The following CECR2 variants were observed in gnomAD, a reference collection of about 807,000 sequenced individuals.
CECR2 encodes CECR2 histone acetyl-lysine reader, also known as chromatin remodeling regulator CECR2.
Under a neutral mutation model 154.5 loss-of-function variants are expected in CECR2, and 30 were observed. The observed-to-expected ratio is 0.19, with a 90% CI of 0.15 to 0.26. The LOEUF (loss-of-function observed/expected upper bound fraction) is 0.26, where lower values mean the gene tolerates loss of function less well. Among genes scored for constraint, CECR2 ranks in the 10% least tolerant of loss-of-function variants. The probability of loss-of-function intolerance (pLI) is 1.00; values close to 1 mark genes in which losing one functional copy is unlikely to be tolerated. For missense variants in CECR2, 1,743 were observed against 1,829.3 expected, an observed-to-expected ratio of 0.95 and a Z score of 0.86; for synonymous variants, 725 against 683.7, an observed-to-expected ratio of 1.06 and a Z score of -0.94.
Position 17,548,772 on chromosome 22 carries a change from G to A in CECR2, c.3485G>A (p.Gly1162Asp). The A allele has an allele frequency of 1.2e-6, 2 of 1,613,742 alleles. No homozygotes were observed. The highest frequency in any genetic ancestry group is 2.2e-5 in the East Asian group (1 of 44,864). The change falls in exon 17 of 19, where the codon GGC (glycine) becomes GAC (aspartate). Residue 1162 changes from glycine to aspartate, a missense_variant. Gly to Asp is a moderately conservative substitution (Grantham distance 94). Transcript: ENST00000262608. ...ASHPQHFPPR[G>D]FQSNHPHSGG... ...CATCCCCAGCATTTTCCCCCAAGGG[G>A]CTTTCAGTCTAACCACCCACATTCT...
chr22:17,421,078 C>G (rs530233337), intron 1 of CECR2, among the ~76,000 whole-genome samples: 1 of 152,276 alleles, frequency 6.6e-6, no homozygotes, highest in South Asian at 2.1e-4. Flanking sequence ...TGAACACACC[C>G]ATTAGCTAAG....
intron 1 of CECR2, among the ~76,000 whole-genome samples, 194 bp downstream of exon 1, chr22:17,370,103 C>T (rs1441956176): frequency 6.7e-6 from 1 of 150,248 alleles, no homozygotes; most frequent in African/African-American, 2.4e-5. Context: ...TGCCGAGGGG[C>T]GTCGGGCCGG....
intron 1 of CECR2, chr22:17,360,053 A>G (rs1450009862): frequency 6.6e-6 from 1 of 152,254 alleles, no homozygotes; most frequent in Non-Finnish European, 1.5e-5. Context: ...ATGAAAATAG[A>G]AACCAAAAGC....
intron 9 of CECR2, among the ~76,000 whole-genome samples, chr22:17,536,611 A>T (rs1036762711): frequency 1.3e-5 from 2 of 152,204 alleles, no homozygotes; most frequent in African/African-American, 4.8e-5. Context: ...ATGCCTTCAT[A>T]AACGCAGAAC....
chr22:17,454,046 G>A (rs1291625069), intron 1 of CECR2, among the ~76,000 whole-genome samples: 1 of 152,210 alleles, frequency 6.6e-6, no homozygotes, highest in Non-Finnish European at 1.5e-5. Flanking sequence ...ACACTCAGAA[G>A]TGCACCTCTG....
rs947562233 is a variant in CECR2, at chr22:17,409,944, T to C, written c.126+40035T>C. ...TGTCTAGTAAAGGGCTTCACACATA[T>C]TCAATCAAGTGTTTGCTGTCTATTT... On this transcript the variant is annotated intron_variant, in intron 1 of 18. Coordinates refer to ENST00000262608, the MANE Select transcript of CECR2 (RefSeq NM_001290047.2). Among the ~76,000 whole-genome samples the C allele has an allele frequency of 1.3e-4, 14 of 108,934 alleles. 3 individuals carry two copies. Among genetic ancestry groups the C allele is most frequent in the African/African-American group, 2.5e-4 (8 of 31,514 alleles). The allele number at this position is 108,934 out of a possible 152,430, so 71.5% of individuals were successfully genotyped here.
intron 7 of CECR2, among the ~76,000 whole-genome samples, chr22:17,510,463 C>T (rs2055923638): frequency 1.4e-5 from 2 of 140,858 alleles, no homozygotes; most frequent in African/African-American, 5.2e-5. Flanking sequence ...GAACAAGAAC[C>T]TATGAAAAAA....
intron 1 of CECR2, among the ~76,000 whole-genome samples, chr22:17,407,760 G>A (rs2146555869): frequency 6.6e-6 from 1 of 152,252 alleles, no homozygotes; most frequent in East Asian, 1.9e-4. Flanking sequence ...AGACAGTTTT[G>A]GTTGCCACAA....
At chr22:17,376,332 G>A (rs80281178) in intron 1 of CECR2, among the ~76,000 whole-genome samples, 1,625 of 152,232 alleles carry the variant, frequency 0.011, 24 homozygotes, top group African/African-American at 0.037. Context: ...GGCGGCCTGC[G>A]TTAGCACATG....
chr22:17,370,877 C>T (rs1471365824), intron 1 of CECR2, among the ~76,000 whole-genome samples: 1 of 152,188 alleles, frequency 6.6e-6, no homozygotes, highest in Non-Finnish European at 1.5e-5. Context: ...ATTGCCTTCT[C>T]TTCTATGGCA....
intron 1 of CECR2, among the ~76,000 whole-genome samples, chr22:17,476,473 A>T (rs1184233102): frequency 1.3e-5 from 2 of 151,930 alleles, no homozygotes; most frequent in African/African-American, 2.4e-5. Flanking sequence ...TGTTGGCTAG[A>T]CTGGTCTCAA....
intron 1 of CECR2, among the ~76,000 whole-genome samples, chr22:17,388,358 A>G (rs1405812007): frequency 2.6e-5 from 4 of 152,166 alleles, no homozygotes; most frequent in African/African-American, 9.7e-5. Flanking sequence ...GAACTGACCC[A>G]TCTGTTTAAT....
chr22:17,542,805 A>G lies in CECR2; in HGVS notation c.2662A>G (p.Met888Val). The G allele has an allele frequency of 6.2e-7, 1 of 1,613,866 alleles. No homozygotes were observed. Among genetic ancestry groups the G allele is most frequent in the South Asian group, 1.1e-5 (1 of 91,076 alleles). Reference protein sequence around the residue: ...SMMDSPEMIAMQQLSSRVCPP... With the variant: ...SMMDSPEMIAVQQLSSRVCPP... ...GATGGACAGCCCAGAGATGATTGCGATGCAGCAGCTCTCCTCCCGCGTCTG... is the reference window on the plus strand; with the variant it reads ...GATGGACAGCCCAGAGATGATTGCGGTGCAGCAGCTCTCCTCCCGCGTCTG... Residue 888 changes from methionine to valine, a missense_variant, in exon 16 of 19, where the codon ATG (methionine) becomes GTG (valine). This residue lies in a region of CECR2 where 1,250 missense variants were observed against 1,192.1 expected (regional missense o/e 1.05). Coordinates refer to ENST00000262608, the MANE Select transcript of CECR2 (RefSeq NM_001290047.2).
chr22:17,458,582 A>G (rs1166693758), intron 1 of CECR2, among the ~76,000 whole-genome samples: 1 of 152,164 alleles, frequency 6.6e-6, no homozygotes, highest in Non-Finnish European at 1.5e-5. Context: ...TGAAGATCAC[A>G]TGGGATTTCC....
At chr22:17,368,029 G>T (rs531868030), upstream of CECR2, among the ~76,000 whole-genome samples, 5 of 152,292 alleles carry the variant, frequency 3.3e-5, no homozygotes, top group Admixed American at 3.3e-4. Context: ...GGAGAGAGTG[G>T]TGGGGGGCGG....
In CECR2 at chr22:17,548,841, C is replaced by T. The variant is rs779081450; in HGVS notation, c.3554C>T (p.Ser1185Phe). Residue 1185 changes from serine to phenylalanine, a missense_variant, in exon 17 of 19, where the codon TCC becomes TTC. Ser to Phe is a radical substitution (Grantham distance 155). Transcript: ENST00000262608. ...CGCCCCCCACAAGGAATGAGGTATT[C>T]CTACCACCCACCGCCACAGCCTTCC... is the stretch of plus-strand genomic sequence containing the variant. ...RYRPPQGMRYSYHPPPQPSYH... is the reference protein window; with the variant it reads ...RYRPPQGMRYFYHPPPQPSYH... 6 of 1,613,666 alleles carry T rather than the reference C, an allele frequency of 3.7e-6. No individual in the cohort carries two copies. Among genetic ancestry groups the T allele is most frequent in the Non-Finnish European group, 5.1e-6 (6 of 1,179,736 alleles).
chr22:17,387,520 C>T (rs1601263273), intron 1 of CECR2, among the ~76,000 whole-genome samples: 3 of 152,298 alleles, frequency 2.0e-5, no homozygotes, highest in Admixed American at 6.5e-5. Context: ...AAGGCCCCGG[C>T]TCCAGCCTGC....
intron 8 of CECR2, among the ~76,000 whole-genome samples, chr22:17,517,454 T>A (rs1483304148): frequency 6.6e-6 from 1 of 152,228 alleles, no homozygotes; most frequent in Admixed American, 6.5e-5. Flanking sequence ...TTTCTACCAC[T>A]GATACCACAG....
chr22:17,390,729 C>T (rs1376751853), intron 1 of CECR2, among the ~76,000 whole-genome samples: 8 of 152,130 alleles, frequency 5.3e-5, no homozygotes, highest in African/African-American at 7.2e-5. Flanking sequence ...TCAACCTCGC[C>T]GGTCCCAAAG....
Sources: allele counts gnomAD v4.1 joint callset (sites outside exome capture counted in the v4.1 genomes callset), GRCh38; gene constraint gnomAD v4.1.1; regional missense constraint gnomAD v4.1.1; transcripts MANE v1.5; gene names NCBI Gene and HGNC (gene_info 2026-07-23, HGNC 2026-07-21).